PPP6R1: variants seen among roughly 807,000 people sequenced by gnomAD.
The protein encoded by PPP6R1 is serine/threonine-protein phosphatase 6 regulatory subunit 1.
A neutral mutation model predicts 104.6 loss-of-function variants in PPP6R1; 39 were observed. The observed-to-expected ratio is 0.37, with a 90% confidence interval of 0.29 to 0.49. PPP6R1 has a LOEUF of 0.49. Among genes scored for constraint, PPP6R1 ranks in the 20% least tolerant of loss-of-function variants. The pLI is 0.98. For synonymous variants in PPP6R1, 549 were observed against 479.0 expected (o/e 1.15, Z -1.91); for missense variants, 1,181 against 1,155.8 (o/e 1.02, Z -0.32).
At chr19:55,237,031 A>G in intron 15 of PPP6R1, 61 bp from the exon 16 acceptor site, 1 of 1,494,926 alleles carries the variant, frequency 6.7e-7, no homozygotes, top group South Asian at 1.1e-5. Flanking sequence ...AGCACAGGAC[A>G]GGCCACATTT....
chr19:55,246,733 CCTGGCTGCTCCCAGCCTCGTCTTCCT>C (rs1475237480), intron 2 of PPP6R1, 118 bp downstream of exon 2: 2 of 820,996 alleles, frequency 2.4e-6, no homozygotes, highest in East Asian at 5.4e-5. Flanking sequence ...TGTGCAGGAG[CCTGGCTGCTCCCAGCCTCGTCTTCCT>C]CATCCCCAAA....
At chr19:55,248,679 C>T (rs988584813) in intron 1 of PPP6R1, among the ~76,000 whole-genome samples, 1 of 152,224 alleles carries the variant, frequency 6.6e-6, no homozygotes, top group African/African-American at 2.4e-5. Flanking sequence ...ACCTCAGTGC[C>T]CACCAGCCCC....
Position 55,258,618 on chromosome 19 carries a change from T to C in PPP6R1, c.-190A>G, listed in dbSNP as rs2087614518. On this transcript the variant is annotated 5_prime_UTR_variant, in exon 1 of 24. Coordinates refer to ENST00000412770, the MANE Select transcript of PPP6R1 (RefSeq NM_014931.4). ...CAGGCGCCCGCGGGTCGTGGGGTCC[T>C]CGCGCGCCGGGTCCTGCAGAGTTGA... The C allele has an allele frequency of 6.7e-6, 1 of 150,338 alleles. No homozygotes were observed. The highest frequency in any genetic ancestry group is 2.4e-5 in the African/African-American group (1 of 40,870). The allele number at this position is 150,338 out of a possible 1,614,324, so 9.3% of individuals were successfully genotyped here. A position where few individuals can be genotyped will look rare whatever the true frequency, so the allele number is the denominator to read the frequency against.
intron 1 of PPP6R1, among the ~76,000 whole-genome samples, chr19:55,253,360 T>C (rs941341899): frequency 7.9e-5 from 12 of 152,318 alleles, no homozygotes; most frequent in African/African-American, 2.6e-4. Flanking sequence ...ACTTCTAAGA[T>C]ACCTGATTAA....
intron 2 of PPP6R1, 86 bp downstream of exon 2, chr19:55,246,791 G>A (rs964108092): frequency 5.7e-6 from 7 of 1,225,514 alleles, no homozygotes; most frequent in African/African-American, 4.6e-5. Context: ...TGACACTGAC[G>A]CATTTCAGGG....
chr19:55,235,210 GAA>G (rs79678602), intron 17 of PPP6R1, among the ~76,000 whole-genome samples: 62 of 145,194 alleles, frequency 4.3e-4, no homozygotes, highest in African/African-American at 1.1e-3. Flanking sequence ...AGTATTAAGA[GAA>G]AAAAAAAAAA....
intron 10 of PPP6R1, 57 bp from the exon 11 acceptor site, chr19:55,240,357 C>T (rs986342422): frequency 6.6e-7 from 1 of 1,506,096 alleles, no homozygotes; most frequent in East Asian, 2.4e-5. Context: ...ATGTGGGGAG[C>T]TCTGCACTGC....
chr19:55,253,521 C>T (rs2087569580), intron 1 of PPP6R1, among the ~76,000 whole-genome samples: 1 of 152,204 alleles, frequency 6.6e-6, no homozygotes, highest in Non-Finnish European at 1.5e-5. Flanking sequence ...AGGGTGCTCG[C>T]TGGTGCACGG....
In PPP6R1 at chr19:55,240,065, C is replaced by T; in HGVS notation, c.1411G>A (p.Ala471Thr). ...TCCGTGTTCTGCACCAGGGCACCGG[C>T]CACTCTTGTCAGGTGACCCATGTAG... ...KGYMGHLTRV[A>T]GALVQNTEKG... Residue 471 changes from alanine (A) to threonine (T), a missense_variant, in exon 12 of 24, where the codon GCC (alanine) becomes ACC (threonine). Around this residue, in one of 2 missense-constraint regions of PPP6R1, gnomAD observed 1,042 missense variants for 955.6 expected, o/e 1.09. Coordinates refer to ENST00000412770, the MANE Select transcript of PPP6R1 (RefSeq NM_014931.4). 1 of 1,602,544 alleles carries T rather than the reference C, an allele frequency of 6.2e-7. No individual in the cohort carries two copies. The highest frequency in any genetic ancestry group is 8.5e-7 in the Non-Finnish European group (1 of 1,175,944).
rs1374032023 is a variant in PPP6R1 at position 55,230,228 on chromosome 19, C to T, written c.*300G>A. On this transcript the variant is annotated 3_prime_UTR_variant, in exon 24 of 24. Transcript: ENST00000412770. ...GCCCAGTTCGGTGTCCTCACTCTCT[C>T]TCGCTCTCCTCCCTCTCTCTATATA... The T allele has an allele frequency of 2.3e-6, 1 of 427,162 alleles. No individual in the cohort carries two copies. Among genetic ancestry groups the T allele is most frequent in the Non-Finnish European group, 4.2e-6 (1 of 236,568 alleles). The allele number at this position is 427,162 out of a possible 1,614,324, so 26.5% of individuals were successfully genotyped here.
rs1203729358 is a variant in PPP6R1, at chr19:55,246,951, T to C, written c.153A>G (p.Pro51=). Residue 51 remains proline (P), a synonymous_variant, in exon 2 of 24, where the codon CCA becomes CCG. Transcript: ENST00000412770. The part of the protein sequence containing the change: ...NRKLLDFLLQ[P]PHLQAMVAWV... ...AGGCCACCATTGCTTGCAGGTGGGG[T>C]GGCTGCAGCAGGAAGTCCAGCAGCT... The C allele has an allele frequency of 1.5e-5, 24 of 1,613,526 alleles. No individual in the cohort carries two copies. In the East Asian group the frequency reaches 3.3e-4, roughly 22 times the overall value.
intron 20 of PPP6R1, 24 bp downstream of exon 20, chr19:55,231,574 T>A (rs1600102737): frequency 6.2e-7 from 1 of 1,605,906 alleles, no homozygotes. Flanking sequence ...GGGCCGCGGG[T>A]GGGCAGGGCA....
At position 55,245,549 on chromosome 19, in the gene PPP6R1, C is replaced by T. The variant is rs2087500402; in HGVS notation, c.357G>A (p.Leu119=). ...FLQSTGSLNP[L]LASFFSKVMG... ...TGACCTTGCTGAAGAAGCTGGCCAGCAGTGGGTTGAGGCTGCCGGTGCTCT... is the reference window on the plus strand; with the variant it reads ...TGACCTTGCTGAAGAAGCTGGCCAGTAGTGGGTTGAGGCTGCCGGTGCTCT... The change falls in exon 3 of 24, where the codon CTG becomes CTA. Residue 119 remains leucine (L), a synonymous_variant. Coordinates refer to ENST00000412770, the MANE Select transcript of PPP6R1 (RefSeq NM_014931.4). The surrounding 1 kb of genome is among the most constrained non-coding windows in gnomAD (Gnocchi z 6.4). The T allele has an allele frequency of 1.2e-6, 2 of 1,611,448 alleles. No homozygotes were observed. The highest frequency in any genetic ancestry group is 1.7e-6 in the Non-Finnish European group (2 of 1,178,854).
intron 17 of PPP6R1, chr19:55,236,403 G>T (rs1354217280): frequency 1.6e-5 from 8 of 506,384 alleles, no homozygotes; most frequent in African/African-American, 3.8e-5. Context: ...CAATCCATCT[G>T]CCCTGGCCTC....
Position 55,237,432 on chromosome 19 carries a change from G to A in PPP6R1, c.1752-462C>T, listed in dbSNP as rs115225774. On this transcript the variant is annotated intron_variant, in intron 15 of 23. Coordinates refer to ENST00000412770, the MANE Select transcript of PPP6R1 (RefSeq NM_014931.4). ...TAACCTCAAGATGTCTACGGTCCGC[G>A]GCTGAAATTCTAAATTATGGGAAAA... Among the ~76,000 whole-genome samples, 1,020 of 152,206 alleles carry A rather than the reference G, an allele frequency of 6.7e-3. 11 individuals are homozygous for A. Among genetic ancestry groups the A allele is most frequent in the African/African-American group, 0.021 (887 of 41,518 alleles).
At chr19:55,240,372 G>T in intron 10 of PPP6R1, 72 bp from the exon 11 acceptor site, 1 of 1,447,882 alleles carries the variant, frequency 6.9e-7, no homozygotes, top group South Asian at 1.2e-5. Context: ...CACTGCAGCA[G>T]GGGTCCCTTC....
chr19:55,230,889 G>T lies in PPP6R1; in HGVS notation c.2460-5C>A. ...GTAGAGGGGTCTCTGGTTGCACTGT[G>T]GGTGAGAGGCAGGTGCGGCTGTCAG... is the stretch of plus-strand genomic sequence containing the variant. On this transcript the variant is annotated splice_polypyrimidine_tract_variant and splice_region_variant and intron_variant, in intron 21 of 23. Transcript: ENST00000412770. The T allele has an allele frequency of 3.1e-6, 5 of 1,597,824 alleles. No homozygotes were observed. The highest frequency in any genetic ancestry group is 4.3e-6 in the Non-Finnish European group (5 of 1,172,052).
At position 55,239,520 on chromosome 19, in the gene PPP6R1, T is replaced by C. The variant is rs1600107913; in HGVS notation, c.1654-18A>G. The C allele has an allele frequency of 6.2e-7, 1 of 1,613,064 alleles. No homozygotes were observed. The highest frequency in any genetic ancestry group is 1.3e-5 in the African/African-American group (1 of 74,840). ...ATGAAGGCCTGTGGGGGTGCGGAGG[T>C]TAGGGCTGGAGGGAGTTGGGCAGGA... is the stretch of plus-strand genomic sequence containing the variant. On this transcript the variant is annotated intron_variant, in intron 14 of 23. Transcript: ENST00000412770.
chr19:55,240,147 G>A, intron 11 of PPP6R1, 33 bp from the exon 12 acceptor site: 1 of 1,563,130 alleles, frequency 6.4e-7, no homozygotes, highest in Non-Finnish European at 8.7e-7. Flanking sequence ...CTGCAAGCCA[G>A]GACTGGACCC....
Sources: gnomAD v4.1 joint callset for allele counts (sites outside exome capture counted in the v4.1 genomes callset) on GRCh38, gnomAD v4.1.1 for gene constraint, gnomAD v4.1.1 regional missense constraint, Gnocchi (gnomAD v3.1) non-coding constraint, MANE v1.5 for transcripts, NCBI Gene and HGNC (gene_info 2026-07-23, HGNC 2026-07-21) for gene names.